NRXN3: variants seen among roughly 807,000 people sequenced by gnomAD.
NRXN3 encodes the protein neurexin III.
A neutral mutation model predicts 137.6 loss-of-function variants in NRXN3; 32 were observed. The ratio of observed to expected loss-of-function variants is 0.23; its 90% confidence interval spans 0.18 to 0.31. The LOEUF (loss-of-function observed/expected upper bound fraction) is 0.31. Ranked by LOEUF, NRXN3 falls within the 10% of genes least tolerant of loss-of-function variation. NRXN3 has a pLI of 1.00. For missense variants in NRXN3, 1,574 were observed against 2,062.5 expected (o/e 0.76, Z 4.59); for synonymous variants, 798 against 784.5 (o/e 1.02, Z -0.29).
intron 15 of NRXN3, among the ~76,000 whole-genome samples, chr14:79,408,380 C>A (rs566696064): frequency 4.6e-5 from 7 of 152,100 alleles, no homozygotes; most frequent in Non-Finnish European, 1.0e-4. Flanking sequence ...CTTTATGTCA[C>A]TTGAAGGATA....
intron 19 of NRXN3, among the ~76,000 whole-genome samples, chr14:79,804,329 G>C (rs2099194750): frequency 6.6e-6 from 1 of 152,034 alleles, no homozygotes; most frequent in African/African-American, 2.4e-5. Context: ...ACTGTATGGA[G>C]GGCTCTTCTC....
chr14:79,019,479 G>T (rs2099585089), intron 15 of NRXN3, among the ~76,000 whole-genome samples: 1 of 152,126 alleles, frequency 6.6e-6, no homozygotes, highest in Non-Finnish European at 1.5e-5. Context: ...ATAAAGCAGG[G>T]TAAGGAGAGA....
intron 15 of NRXN3, among the ~76,000 whole-genome samples, chr14:79,206,257 G>T (rs1287735015): frequency 6.6e-6 from 1 of 152,150 alleles, no homozygotes; most frequent in East Asian, 1.9e-4. Flanking sequence ...ATTCTTAAAG[G>T]ATTTGCACGT....
chr14:78,416,314 C>A (rs1157567016), intron 4 of NRXN3, among the ~76,000 whole-genome samples: 2 of 152,118 alleles, frequency 1.3e-5, no homozygotes, highest in African/African-American at 4.8e-5. Context: ...TCAGACATGG[C>A]TTCAGAGGAC....
chr14:78,567,589 T>A (rs1462029655), intron 4 of NRXN3, among the ~76,000 whole-genome samples: 1 of 152,166 alleles, frequency 6.6e-6, no homozygotes, highest in Non-Finnish European at 1.5e-5. Context: ...CCAGTGAGTG[T>A]CTCCTAGTTA....
intron 4 of NRXN3, among the ~76,000 whole-genome samples, chr14:78,363,179 C>T (rs1339906051): frequency 6.6e-6 from 1 of 152,162 alleles, no homozygotes; most frequent in Non-Finnish European, 1.5e-5. Context: ...GTTTTCACTG[C>T]TCATCATCTG....
intron 8 of NRXN3, among the ~76,000 whole-genome samples, chr14:78,774,249 TTAAA>T (rs1229209493): frequency 6.6e-6 from 1 of 152,236 alleles, no homozygotes; most frequent in Admixed American, 6.5e-5. Context: ...GGATTGAATG[TTAAA>T]TAAATTTTAA....
intron 15 of NRXN3, among the ~76,000 whole-genome samples, chr14:79,271,285 A>G (rs143889263): frequency 1.8e-4 from 27 of 152,270 alleles, no homozygotes; most frequent in African/African-American, 6.5e-4. Flanking sequence ...TATGGTCTTT[A>G]TTTGACATTT....
intron 4 of NRXN3, among the ~76,000 whole-genome samples, chr14:78,400,543 A>C (rs1258829464): frequency 6.6e-6 from 1 of 152,212 alleles, no homozygotes; most frequent in East Asian, 1.9e-4. Context: ...CATGGGCCTG[A>C]GAATCCTCAA....
chr14:79,289,728 A>G (rs1352689522), intron 15 of NRXN3, among the ~76,000 whole-genome samples: 1 of 152,202 alleles, frequency 6.6e-6, no homozygotes, highest in Non-Finnish European at 1.5e-5. Context: ...AGGAAACCTC[A>G]GTGTGAAAAA....
chr14:78,509,437 C>T (rs375908109), intron 4 of NRXN3, among the ~76,000 whole-genome samples: 2 of 152,242 alleles, frequency 1.3e-5, no homozygotes, highest in African/African-American at 4.8e-5. Context: ...TACATGAGAT[C>T]AGGAAAATGG....
chr14:79,243,713 T>C (rs1260862614), intron 15 of NRXN3, among the ~76,000 whole-genome samples: 1 of 152,152 alleles, frequency 6.6e-6, no homozygotes, highest in Non-Finnish European at 1.5e-5. Flanking sequence ...ATTGGAGGCA[T>C]TTGTAACACA....
At chr14:78,544,250 A>C (rs1246748894) in intron 4 of NRXN3, among the ~76,000 whole-genome samples, 2 of 152,228 alleles carry the variant, frequency 1.3e-5, no homozygotes, top group African/African-American at 4.8e-5. Flanking sequence ...ATATGAGGGC[A>C]CAAGAGGTGT....
intron 4 of NRXN3, among the ~76,000 whole-genome samples, chr14:78,569,843 C>T (rs1255090137): frequency 6.6e-6 from 1 of 152,156 alleles, no homozygotes; most frequent in East Asian, 1.9e-4. Flanking sequence ...CTCCTAGACT[C>T]AAGCGATCCT....
chr14:79,376,249 T>TATATAC (rs1555408245), intron 15 of NRXN3, among the ~76,000 whole-genome samples: 4 of 73,734 alleles, frequency 5.4e-5, no homozygotes, highest in African/African-American at 9.3e-5. Context: ...TATATATATA[T>TATATAC]ATATATATAT....
In NRXN3 at chr14:78,967,293, C is replaced by T; in HGVS notation, c.2863C>T (p.His955Tyr). The T allele has an allele frequency of 6.2e-7, 1 of 1,613,812 alleles. No individual in the cohort carries two copies. Among genetic ancestry groups the T allele is most frequent in the Non-Finnish European group, 8.5e-7 (1 of 1,179,954 alleles). ...SDRPLNDNQW[H>Y]NVVITRDNSN... ...CCGCCCCCTGAATGACAACCAGTGG[C>T]ACAATGTCGTCATCACTCGGGACAA... Residue 955 changes from histidine to tyrosine, a missense_variant, in exon 13 of 21, where the codon CAC becomes TAC. By Grantham distance (83) the His-to-Tyr change is moderately conservative. This residue lies in a region of NRXN3 where 718 missense variants were observed against 887.6 expected (regional missense o/e 0.81). Coordinates refer to ENST00000335750, the MANE Select transcript of NRXN3 (RefSeq NM_001330195.2).
intron 15 of NRXN3, among the ~76,000 whole-genome samples, chr14:79,220,511 A>T (rs1017677233): frequency 6.6e-6 from 1 of 152,120 alleles, no homozygotes; most frequent in East Asian, 1.9e-4. Flanking sequence ...GGTGTTGTAC[A>T]TTATCTTCAT....
At chr14:78,541,806 A>T (rs1600181771) in intron 4 of NRXN3, among the ~76,000 whole-genome samples, 1 of 152,154 alleles carries the variant, frequency 6.6e-6, no homozygotes, top group Non-Finnish European at 1.5e-5. Context: ...GTTTTGGTGT[A>T]GATGACCTTT....
intron 19 of NRXN3, among the ~76,000 whole-genome samples, chr14:79,789,842 A>G (rs1229870968): frequency 2.0e-5 from 3 of 152,090 alleles, no homozygotes; most frequent in Non-Finnish European, 2.9e-5. Flanking sequence ...TACCTTAACT[A>G]TCTGGGAATG....
Sources: allele counts gnomAD v4.1 joint callset (sites outside exome capture counted in the v4.1 genomes callset), GRCh38; gene constraint gnomAD v4.1.1; regional missense constraint gnomAD v4.1.1; transcripts MANE v1.5; gene names NCBI Gene and HGNC (gene_info 2026-07-23, HGNC 2026-07-21).